ABHD6: variants seen among roughly 807,000 people sequenced by gnomAD.
ABHD6 encodes the protein abhydrolase domain containing 6, acylglycerol lipase, also known as monoacylglycerol lipase ABHD6.
In ABHD6, 33 loss-of-function variants were observed where a neutral mutation model predicts 38.8. The observed-to-expected ratio is 0.85, with a 90% CI of 0.64 to 1.14. The LOEUF is 1.14. ABHD6 is among the 50% of genes most tolerant of loss of function. The pLI, the probability that ABHD6 is intolerant of heterozygous loss-of-function variation, is 0.00. For missense variants in ABHD6, 380 were observed against 422.6 expected (o/e 0.90, Z 0.88); for synonymous variants, 147 against 161.6 (o/e 0.91, Z 0.69).
chr3:58,292,747 TCTCTACTAGAAATA>T, intron 9 of ABHD6, among the ~76,000 whole-genome samples: 1 of 152,020 alleles, frequency 6.6e-6, no homozygotes, highest in African/African-American at 2.4e-5. Context: ...TGAAACCCCA[TCTCTACTAGAAATA>T]CAAAAATTAG....
At chr3:58,286,852 G>GTGTATATATATATATATA (rs2097457572) in intron 9 of ABHD6, among the ~76,000 whole-genome samples, 2 of 70,648 alleles carry the variant, frequency 2.8e-5, no homozygotes, top group Admixed American at 1.7e-4. Context: ...GTGTGTGTGT[G>GTGTATATATATATATATA]TATATATATA....
intron 9 of ABHD6, among the ~76,000 whole-genome samples, chr3:58,290,129 C>T (rs2097460881): frequency 1.7e-5 from 2 of 116,950 alleles, no homozygotes; most frequent in Non-Finnish European, 3.5e-5. Flanking sequence ...GCAGAGGCGC[C>T]CCTCACCTCC....
intron 2 of ABHD6, among the ~76,000 whole-genome samples, chr3:58,255,893 C>T (rs2097432888): frequency 6.6e-6 from 1 of 152,134 alleles, no homozygotes; most frequent in South Asian, 2.1e-4. Context: ...GATCCGCCCA[C>T]CTCAGCCTCC....
chr3:58,290,427 G>A (rs2107481898), intron 9 of ABHD6, among the ~76,000 whole-genome samples: 1 of 114,952 alleles, frequency 8.7e-6, no homozygotes, highest in African/African-American at 3.6e-5. Flanking sequence ...CTGGGCAGAG[G>A]CGCCCCTCAC....
intron 1 of ABHD6, among the ~76,000 whole-genome samples, chr3:58,239,878 G>A (rs186145989): frequency 6.6e-6 from 1 of 151,792 alleles, no homozygotes; most frequent in African/African-American, 2.4e-5. Context: ...TCGGTGTGGT[G>A]GGCTCACACC....
At chr3:58,245,543 C>T (rs1195157877) in intron 1 of ABHD6, among the ~76,000 whole-genome samples, 1 of 151,990 alleles carries the variant, frequency 6.6e-6, no homozygotes, top group Non-Finnish European at 1.5e-5. Flanking sequence ...CTTTGGAAGG[C>T]CGAGGCAGGC....
chr3:58,260,897 C>T (rs2107442455), intron 3 of ABHD6, among the ~76,000 whole-genome samples: 1 of 152,342 alleles, frequency 6.6e-6, no homozygotes, highest in South Asian at 2.1e-4. Context: ...TAGGCCACAG[C>T]AAGTCTTCAG....
chr3:58,267,343 A>T lies in ABHD6; in HGVS notation c.274A>T (p.Lys92Ter). Reference sequence around the variant, plus strand: ...CAAGGATATGTGGCTCAGTGTGGTCAAGGTGCAATTCTCGATTCTTCTCTC... The same window carrying T: ...CAAGGATATGTGGCTCAGTGTGGTCTAGGTGCAATTCTCGATTCTTCTCTC... ...AHKDMWLSVV[K>*]FLPKNLHLVC... The change falls in exon 4 of 10, where the codon AAG becomes TAG. Residue 92 changes from lysine to a stop codon, truncating the protein, a stop_gained and splice_region_variant. Transcript: ENST00000478253. LOFTEE classifies it high-confidence loss of function. This position sits in a 1 kb window ranked among gnomAD's most constrained non-coding sequence, Gnocchi z 4.3. 6.2e-7 allele frequency: 1 copy of T among 1,614,042 alleles called. No homozygotes were observed. The highest frequency in any genetic ancestry group is 8.5e-7 in the Non-Finnish European group (1 of 1,179,980).
chr3:58,279,678 A>G (rs1005219204), intron 7 of ABHD6, among the ~76,000 whole-genome samples: 2 of 152,166 alleles, frequency 1.3e-5, no homozygotes, highest in Admixed American at 6.5e-5. Context: ...CAGTTTCTTC[A>G]TAGTGTCAAT....
In ABHD6 at chr3:58,285,963, A is replaced by T. The variant is rs2097456581; in HGVS notation, c.837+510A>T. ...AGCGATTCTCCTGCCTCAGCCTCCC[A>T]AGTAGCTGGGATTACAGGTGCCCTC... On this transcript the variant is annotated intron_variant, in intron 9 of 9. Transcript: ENST00000478253. This position sits in a 1 kb window ranked among gnomAD's most constrained non-coding sequence, Gnocchi z 4.9. Among the ~76,000 whole-genome samples, 1 of 151,366 alleles carries T rather than the reference A, an allele frequency of 6.6e-6. No individual in the cohort carries two copies. Among genetic ancestry groups the T allele is most frequent in the African/African-American group, 2.4e-5 (1 of 41,160 alleles).
intron 9 of ABHD6, among the ~76,000 whole-genome samples, chr3:58,290,277 G>A (rs1324614675): frequency 4.5e-5 from 6 of 132,740 alleles, no homozygotes; most frequent in South Asian, 2.6e-4. Flanking sequence ...CAGACGGGGC[G>A]GCTGGCCGGG....
intron 9 of ABHD6, among the ~76,000 whole-genome samples, chr3:58,288,433 G>A (rs1176482713): frequency 6.6e-6 from 1 of 152,144 alleles, no homozygotes; most frequent in South Asian, 2.1e-4. Flanking sequence ...TTCAAGCATC[G>A]CTCCTCTATG....
At chr3:58,260,656 A>T (rs753699201) in intron 3 of ABHD6, among the ~76,000 whole-genome samples, 3 of 152,178 alleles carry the variant, frequency 2.0e-5, no homozygotes, top group Non-Finnish European at 2.9e-5. Flanking sequence ...GCTGCCAGTG[A>T]TGACCACCAG....
At chr3:58,290,708 G>T (rs1447270312) in intron 9 of ABHD6, among the ~76,000 whole-genome samples, 1 of 151,310 alleles carries the variant, frequency 6.6e-6, no homozygotes, top group Non-Finnish European at 1.5e-5. Context: ...ACGGGGTCGC[G>T]GCCGGGCAGA....
chr3:58,264,387 GCA>G (rs61099164), intron 3 of ABHD6, among the ~76,000 whole-genome samples: 4,891 of 131,826 alleles, frequency 0.037, 149 homozygotes, highest in Non-Finnish European at 0.053. Flanking sequence ...TTATATAAAC[GCA>G]CACACACACA....
At chr3:58,255,732 C>T (rs1213324871) in intron 2 of ABHD6, among the ~76,000 whole-genome samples, 1 of 152,086 alleles carries the variant, frequency 6.6e-6, no homozygotes, top group Non-Finnish European at 1.5e-5. Flanking sequence ...GCAACCTCTG[C>T]CTCCTGGGTT....
chr3:58,282,315 T>C (rs1438162399), intron 7 of ABHD6, among the ~76,000 whole-genome samples: 1 of 151,850 alleles, frequency 6.6e-6, no homozygotes, highest in African/African-American at 2.4e-5. Context: ...GCCTTGGAGA[T>C]GATGGTGGTG....
Position 58,259,587 on chromosome 3 carries a change from A to G in ABHD6, c.119+2882A>G, listed in dbSNP as rs2097435635. The stretch of plus-strand genomic sequence containing the variant: ...TTCCAGCTACCTGGGAGGCTGAGGC[A>G]GAAGAATCGCTTGAACCCAGGAAGC... On this transcript the variant is annotated intron_variant, in intron 3 of 9. Transcript: ENST00000478253. The surrounding 1 kb of genome is among the most constrained non-coding windows in gnomAD (Gnocchi z 4.7). Among the ~76,000 whole-genome samples, 1 of 152,212 alleles carries G rather than the reference A, an allele frequency of 6.6e-6. No individual in the cohort carries two copies. The highest frequency in any genetic ancestry group is 1.5e-5 in the Non-Finnish European group (1 of 68,038).
rs1232421956 is a variant in ABHD6 at position 58,294,022 on chromosome 3, G to A, written c.*257G>A. 5.5e-6 allele frequency: 2 copies of A among 360,578 alleles called. No individual in the cohort carries two copies. The highest frequency in any genetic ancestry group is 9.9e-6 in the Non-Finnish European group (2 of 201,170). 22.3% of individuals were successfully genotyped at this position (360,578 alleles called of 1,614,324 possible). ...CCCCAGCCATGAAATCTACCATGAA[G>A]TCTTCAAGTTCATGTCACTGAGAAG... On this transcript the variant is annotated 3_prime_UTR_variant, in exon 10 of 10. Coordinates refer to ENST00000478253, the MANE Select transcript of ABHD6 (RefSeq NM_001320126.2).
Sources: allele counts gnomAD v4.1 joint callset (sites outside exome capture counted in the v4.1 genomes callset), GRCh38; gene constraint gnomAD v4.1.1; non-coding constraint Gnocchi (gnomAD v3.1); transcripts MANE v1.5; gene names NCBI Gene and HGNC (gene_info 2026-07-23, HGNC 2026-07-21).